IL1R1: variants seen among roughly 807,000 people sequenced by gnomAD.
IL1R1 encodes interleukin 1 receptor type 1, also known as interleukin-1 receptor type 1.
A neutral mutation model predicts 50.2 loss-of-function variants in IL1R1; 22 were observed. The observed-to-expected ratio is 0.44, with a 90% confidence interval of 0.31 to 0.63. The LOEUF (loss-of-function observed/expected upper bound fraction) is 0.63. Among genes scored for constraint, IL1R1 ranks in the 20% least tolerant of loss-of-function variants. The pLI is 0.07. For synonymous variants in IL1R1, 251 were observed against 236.7 expected, an observed-to-expected ratio of 1.06 and a Z score of -0.55; for missense variants, 509 against 676.2, an observed-to-expected ratio of 0.75 and a Z score of 2.74.
chr2:102,165,133 C>T lies in IL1R1; in HGVS notation c.315C>T (p.Leu105=), dbSNP rs1236613584. 1.3e-6 allele frequency: 2 copies of T among 1,573,582 alleles called. No individual in the cohort carries two copies. The highest frequency in any genetic ancestry group is 4.5e-5 in the East Asian group (2 of 44,594). ...ATTTTAGAAATTCATCTTACTGCCT[C>T]AGAATTAAAATAAGTGCAAAATTTG... ...YCVVRNSSYC[L]RIKISAKFVE... is the part of the protein sequence containing the mutation. Residue 105 remains leucine, a synonymous_variant, in exon 5 of 12, where the codon CTC becomes CTT. Coordinates refer to ENST00000410023, the MANE Select transcript of IL1R1 (RefSeq NM_000877.4).
At chr2:102,168,942 G>A (rs1166076325) in intron 7 of IL1R1, among the ~76,000 whole-genome samples, 3 of 151,326 alleles carry the variant, frequency 2.0e-5, no homozygotes, top group Admixed American at 1.3e-4. Context: ...CTAGGAACCA[G>A]CAATGCCATT....
Position 102,172,031 on chromosome 2 carries a change from CTTTTTTTTTTTT to C in IL1R1, c.839+127_839+138del, listed in dbSNP as rs35265416. Reference sequence around the variant, plus strand: ...GTTAGTTGCTCCTAACCTTTGCTGCCTTTTTTTTTTTTTTTTTTTTTTTTTGCTAAGCTAAGT... The same window carrying C: ...GTTAGTTGCTCCTAACCTTTGCTGCCTTTTTTTTTTTTTGCTAAGCTAAGT... On this transcript the variant is annotated intron_variant, in intron 8 of 11. Coordinates refer to ENST00000410023, the MANE Select transcript of IL1R1 (RefSeq NM_000877.4). The C allele has an allele frequency of 2.3e-4, 20 of 88,528 alleles. 1 individual carries two copies. In the Middle Eastern group the frequency reaches 0.015, roughly 68 times the overall value. The allele number at this position is 88,528 out of a possible 1,614,324, so 5.5% of individuals were successfully genotyped here.
rs185227585 is a variant in IL1R1 at position 102,077,978 on chromosome 2, G to C, written c.-84+7445G>C. Among the ~76,000 whole-genome samples, 3 of 152,080 alleles carry C rather than the reference G, an allele frequency of 2.0e-5. No individual in the cohort carries two copies. In the East Asian group the frequency reaches 5.8e-4, roughly 29 times the overall value. ...CAATATACTCTTAAATATCAAATGG[G>C]TCAAAGAAGAAATTAAAAGAGAAAT... is the stretch of plus-strand genomic sequence containing the variant. On this transcript the variant is annotated intron_variant, in intron 1 of 11. Transcript: ENST00000409929.
intron 1 of IL1R1, among the ~76,000 whole-genome samples, chr2:102,124,681 G>T (rs751947515): frequency 4.7e-4 from 71 of 152,186 alleles, no homozygotes; most frequent in Non-Finnish European, 8.5e-4. Flanking sequence ...ACTTTGAGAG[G>T]CCGAGGCAGG....
At position 102,172,676 on chromosome 2, in the gene IL1R1, C is replaced by T. The variant is rs201380818; in HGVS notation, c.840-11C>T. ...ACTTACACAAGTTTATTTACTCTCTCTCTCGAATAGTGTGGAAAATCCTGC... is the reference window on the plus strand; with the variant it reads ...ACTTACACAAGTTTATTTACTCTCTTTCTCGAATAGTGTGGAAAATCCTGC... On this transcript the variant is annotated splice_polypyrimidine_tract_variant and intron_variant, in intron 8 of 11. Coordinates refer to ENST00000410023, the MANE Select transcript of IL1R1 (RefSeq NM_000877.4). The T allele has an allele frequency of 3.1e-6, 5 of 1,593,996 alleles. No individual in the cohort carries two copies. In the East Asian group the frequency reaches 6.7e-5, roughly 21 times the overall value.
In IL1R1 at chr2:102,178,439, A is replaced by G. The variant is rs200033040; in HGVS notation, c.*1680A>G. 1 of 152,180 alleles carries G rather than the reference A, an allele frequency of 6.6e-6. No homozygotes were observed. The highest frequency in any genetic ancestry group is 1.5e-5 in the Non-Finnish European group (1 of 68,026). The allele number at this position is 152,180 out of a possible 1,614,324, so 9.4% of individuals were successfully genotyped here. A position where few individuals can be genotyped will look rare whatever the true frequency, so the allele number is the denominator to read the frequency against. On this transcript the variant is annotated 3_prime_UTR_variant, in exon 12 of 12. Transcript: ENST00000410023. ...CCAATTATCTTATTTAATTTTTGCA[A>G]TTATTCTAATTTTATATATAGAGAA...
At chr2:102,099,217 G>T (rs1680031998) in intron 1 of IL1R1, among the ~76,000 whole-genome samples, 2 of 152,150 alleles carry the variant, frequency 1.3e-5, no homozygotes, top group African/African-American at 4.8e-5. Flanking sequence ...TTCAAAATGT[G>T]AATAGTGAGA....
Position 102,177,075 on chromosome 2 carries a change from A to G in IL1R1, c.*316A>G. ...GAGGTCAGGAGTTCGAGACCAGCCC[A>G]GCCAACATGGCAAAACCCCATCTCT... is the stretch of plus-strand genomic sequence containing the variant. On this transcript the variant is annotated 3_prime_UTR_variant, in exon 12 of 12. Transcript: ENST00000410023. The G allele has an allele frequency of 3.8e-6, 1 of 264,596 alleles. No homozygotes were observed. The highest frequency in any genetic ancestry group is 7.3e-6 in the Non-Finnish European group (1 of 136,580). 16.4% of individuals were successfully genotyped at this position (264,596 alleles called of 1,614,324 possible).
intron 1 of IL1R1, among the ~76,000 whole-genome samples, chr2:102,105,373 T>A (rs1680343830): frequency 6.6e-6 from 1 of 152,188 alleles, no homozygotes; most frequent in Non-Finnish European, 1.5e-5. Context: ...ATTTATTTTT[T>A]ATTTTGTTTG....
In IL1R1 at chr2:102,179,334, A is replaced by T. The variant is rs1199103503; in HGVS notation, c.*2575A>T. 3 of 152,344 alleles carry T rather than the reference A, an allele frequency of 2.0e-5. No homozygotes were observed. Among genetic ancestry groups the T allele is most frequent in the Non-Finnish European group, 4.4e-5 (3 of 68,044 alleles). The allele number at this position is 152,344 out of a possible 1,614,324, so 9.4% of individuals were successfully genotyped here. On this transcript the variant is annotated 3_prime_UTR_variant, in exon 12 of 12. Transcript: ENST00000410023. ...AGCTGGAATTTAAGGAGGGACAAGA[A>T]TCAATGGATAAGCGTGGGTGGAGGA...
At chr2:102,114,151 C>T (rs1680937418) in intron 1 of IL1R1, among the ~76,000 whole-genome samples, 1 of 152,104 alleles carries the variant, frequency 6.6e-6, no homozygotes, top group Non-Finnish European at 1.5e-5. Context: ...GTGCATGGTA[C>T]CCATAAACTA....
rs1253638471 is a variant in IL1R1 at position 102,174,589 on chromosome 2, A to G, written c.994A>G (p.Thr332Ala). 6.4e-7 allele frequency: 1 copy of G among 1,561,602 alleles called. No individual in the cohort carries two copies. The highest frequency in any genetic ancestry group is 8.6e-7 in the Non-Finnish European group (1 of 1,159,746). The stretch of plus-strand genomic sequence containing the variant: ...CTTTTTTTTTCTTTTTGCTATAGTC[A>G]CTAATTTCCAGAAGCACATGATTGG... Reference protein sequence around the residue: ...AAYIQLIYPVTNFQKHMIGIC... With the variant: ...AAYIQLIYPVANFQKHMIGIC... Residue 332 changes from threonine to alanine, a missense_variant and splice_region_variant, in exon 10 of 12, where the codon ACT (threonine) becomes GCT (alanine). Physicochemically the swap from Thr to Ala is moderately conservative, Grantham distance 58. Coordinates refer to ENST00000410023, the MANE Select transcript of IL1R1 (RefSeq NM_000877.4).
chr2:102,111,758 C>T, intron 1 of IL1R1, among the ~76,000 whole-genome samples: 1 of 152,142 alleles, frequency 6.6e-6, no homozygotes, highest in East Asian at 1.9e-4. Flanking sequence ...CAGGGGCCTG[C>T]TTGGTGCCAG....
At chr2:102,144,739 G>T (rs949045327) in intron 1 of IL1R1, among the ~76,000 whole-genome samples, 1 of 152,148 alleles carries the variant, frequency 6.6e-6, no homozygotes, top group African/African-American at 2.4e-5. Flanking sequence ...TTGTACAAGG[G>T]TGTGGATGCA....
intron 1 of IL1R1, among the ~76,000 whole-genome samples, chr2:102,117,981 AAT>A (rs567144079): frequency 5.3e-5 from 8 of 150,242 alleles, no homozygotes; most frequent in Non-Finnish European, 7.4e-5. Context: ...ATACACATAT[AAT>A]ATATATATAG....
intron 1 of IL1R1, among the ~76,000 whole-genome samples, chr2:102,116,990 G>A (rs1436026669): frequency 6.6e-6 from 1 of 152,160 alleles, no homozygotes; most frequent in Non-Finnish European, 1.5e-5. Context: ...AGGAAAAAAT[G>A]ACTTTTATAA....
chr2:102,075,866 C>T (rs1448822741), intron 1 of IL1R1, among the ~76,000 whole-genome samples: 1 of 152,196 alleles, frequency 6.6e-6, no homozygotes. Flanking sequence ...GATGATCAAT[C>T]TATTGGCAGT....
At chr2:102,103,529 T>C (rs1480110388), upstream of IL1R1, among the ~76,000 whole-genome samples, 3 of 152,104 alleles carry the variant, frequency 2.0e-5, no homozygotes, top group Admixed American at 1.3e-4. Flanking sequence ...GCGGGAACAA[T>C]GACAGGAAAG....
intron 1 of IL1R1, among the ~76,000 whole-genome samples, chr2:102,149,855 A>G (rs903134641): frequency 3.9e-5 from 6 of 152,084 alleles, no homozygotes; most frequent in African/African-American, 1.4e-4. Flanking sequence ...ATGCGGTGGG[A>G]CTGCTCCGTG....
Sources: gnomAD v4.1 joint callset for allele counts (sites outside exome capture counted in the v4.1 genomes callset) on GRCh38, gnomAD v4.1.1 for gene constraint, MANE v1.5 for transcripts, NCBI Gene and HGNC (gene_info 2026-07-23, HGNC 2026-07-21) for gene names.